FYB1: variants seen among roughly 807,000 people sequenced by gnomAD.
FYB1 encodes the protein FYN-binding protein 1.
A neutral mutation model predicts 94.1 loss-of-function variants in FYB1; 41 were observed. The observed-to-expected ratio is 0.44, with a 90% CI of 0.34 to 0.57. The LOEUF (loss-of-function observed/expected upper bound fraction) is 0.57, where lower values mean the gene tolerates loss of function less well. Among genes scored for constraint, FYB1 ranks in the 20% least tolerant of loss-of-function variants. The probability of loss-of-function intolerance (pLI) is 0.02; values close to 1 mark genes in which losing one functional copy is unlikely to be tolerated. For missense variants in FYB1, 1,050 were observed against 976.8 expected, an observed-to-expected ratio of 1.07 and a Z score of -1.00; for synonymous variants, 367 against 353.2, an observed-to-expected ratio of 1.04 and a Z score of -0.44.
chr5:39,192,912 A>G (rs1438446740), intron 2 of FYB1, among the ~76,000 whole-genome samples: 2 of 152,228 alleles, frequency 1.3e-5, no homozygotes, highest in Non-Finnish European at 2.9e-5. Flanking sequence ...GGCCAGCTCC[A>G]GGGGCCTTCC....
At chr5:39,183,546 C>T (rs2150432681) in intron 2 of FYB1, among the ~76,000 whole-genome samples, 1 of 152,282 alleles carries the variant, frequency 6.6e-6, no homozygotes, top group Admixed American at 6.5e-5. Context: ...GCAAGCCCAG[C>T]ATCTACAGTG....
At chr5:39,221,975 C>CG (rs1250383418), upstream of FYB1, among the ~76,000 whole-genome samples, 3 of 150,906 alleles carry the variant, frequency 2.0e-5, no homozygotes, top group African/African-American at 7.3e-5. Context: ...CACTCCAGCC[C>CG]GGGCCAACAA....
At chr5:39,140,605 G>T (rs1451259440) in intron 4 of FYB1, among the ~76,000 whole-genome samples, 2 of 152,164 alleles carry the variant, frequency 1.3e-5, no homozygotes. Flanking sequence ...AAGTCTCTGA[G>T]AGGTCCGCAT....
intron 11 of FYB1, among the ~76,000 whole-genome samples, chr5:39,127,450 C>CA (rs34709432): frequency 0.21 from 13,661 of 65,674 alleles, 1,688 homozygotes; most frequent in East Asian, 0.45. Flanking sequence ...GACTCTGTCT[C>CA]AAAAAAAAAA....
chr5:39,265,085 C>T (rs1262568794), intron 1 of FYB1, among the ~76,000 whole-genome samples: 1 of 152,164 alleles, frequency 6.6e-6, no homozygotes. Flanking sequence ...CCCGTAATCC[C>T]AGCACTTTGG....
chr5:39,179,159 G>T lies in FYB1; in HGVS notation c.1135+22667C>A, dbSNP rs946507518. On this transcript the variant is annotated intron_variant, in intron 2 of 18. Transcript: ENST00000512982. ...ATTTAATCTCTCAAAAACCATATACGGTAGGCAGCGCTATTGTTCTCATTT... is the reference window on the plus strand; with the variant it reads ...ATTTAATCTCTCAAAAACCATATACTGTAGGCAGCGCTATTGTTCTCATTT... Among the ~76,000 whole-genome samples the T allele has an allele frequency of 1.7e-4, 26 of 152,106 alleles. 1 individual carries two copies. The highest frequency in any genetic ancestry group is 1.5e-5 in the Non-Finnish European group (1 of 68,022).
At chr5:39,161,778 A>G (rs6881924) in intron 2 of FYB1, among the ~76,000 whole-genome samples, 8,066 of 152,260 alleles carry the variant, frequency 0.053, 720 homozygotes, top group African/African-American at 0.18. Context: ...AACCAGTACT[A>G]TAATCTAATT....
Position 39,263,209 on chromosome 5 carries a change from C to G in FYB1, c.-28+11194G>C, listed in dbSNP as rs143939514. 9.2e-3 allele frequency among the ~76,000 whole-genome samples: 1,394 copies of G among 152,020 alleles called. 16 individuals carry two copies. The highest frequency in any genetic ancestry group is 0.014 in the Non-Finnish European group (966 of 67,912). On this transcript the variant is annotated intron_variant, in intron 1 of 1. Coordinates refer to the FYB1 transcript ENST00000510188. ...TCAAGAACTGGAGCCCCATGCCTAC[C>G]CACTTCAAGAGCAAGGGTGCCACAA...
At chr5:39,250,432 C>A (rs4957165) in intron 1 of FYB1, among the ~76,000 whole-genome samples, 48,897 of 152,042 alleles carry the variant, frequency 0.32, 9,551 homozygotes, top group African/African-American at 0.56. Context: ...ACATGTTTAA[C>A]AAGATTCCAC....
chr5:39,122,378 T>C lies in FYB1; in HGVS notation c.2096A>G (p.Asp699Gly), dbSNP rs1050360969. ...AACAGGGAAATCAGAGGTATCCACA[T>C]CATCGTAAACTTCATCTCCCATGTC... ...QLDMGDEVYD[D>G]VDTSDFPVSS... Residue 699 changes from aspartate to glycine, a missense_variant, in exon 14 of 19, where the codon GAT becomes GGT. Asp to Gly is a moderately conservative substitution (Grantham distance 94, BLOSUM62 -1). Transcript: ENST00000512982. 6 of 1,580,820 alleles carry C rather than the reference T, an allele frequency of 3.8e-6. No homozygotes were observed. The highest frequency in any genetic ancestry group is 5.2e-6 in the Non-Finnish European group (6 of 1,160,286).
intron 7 of FYB1, among the ~76,000 whole-genome samples, chr5:39,136,039 C>T (rs1391224050): frequency 6.6e-6 from 1 of 152,048 alleles, no homozygotes; most frequent in African/African-American, 2.4e-5. Flanking sequence ...TTTAAATCTA[C>T]AATTTCTTCA....
chr5:39,268,771 G>C (rs1752544210), intron 1 of FYB1, among the ~76,000 whole-genome samples: 1 of 152,008 alleles, frequency 6.6e-6, no homozygotes, highest in South Asian at 2.1e-4. Flanking sequence ...CATCATGTTG[G>C]TCAGGCAGGT....
At chr5:39,119,367 TAA>T (rs1739869297) in intron 15 of FYB1, among the ~76,000 whole-genome samples, 166 bp downstream of exon 15, 1 of 152,122 alleles carries the variant, frequency 6.6e-6, no homozygotes, top group African/African-American at 2.4e-5. Context: ...TTGTTCAAAA[TAA>T]AAGAGTTATA....
chr5:39,224,097 TA>T (rs1338759138), upstream of FYB1, among the ~76,000 whole-genome samples: 1 of 152,078 alleles, frequency 6.6e-6, no homozygotes, highest in African/African-American at 2.4e-5. Flanking sequence ...TTTCCACAAT[TA>T]AAAAAATGAT....
rs79370104 is a variant in FYB1 at position 39,112,771 on chromosome 5, C to T, written c.2402-2382G>A. 9.5e-3 allele frequency among the ~76,000 whole-genome samples: 1,444 copies of T among 152,176 alleles called. 12 individuals are homozygous for T. Among genetic ancestry groups the T allele is most frequent in the Non-Finnish European group, 0.014 (959 of 67,940 alleles). ...TATAAAAAACACATTCTCTTAGATTCTCAACCTGTATTTCCATTCCCTCCT... is the reference window on the plus strand; with the variant it reads ...TATAAAAAACACATTCTCTTAGATTTTCAACCTGTATTTCCATTCCCTCCT... On this transcript the variant is annotated intron_variant, in intron 16 of 18. Coordinates refer to ENST00000512982, the MANE Select transcript of FYB1 (RefSeq NM_001465.6).
At chr5:39,180,417 T>C (rs1746119229) in intron 2 of FYB1, among the ~76,000 whole-genome samples, 1 of 152,138 alleles carries the variant, frequency 6.6e-6, no homozygotes, top group South Asian at 2.1e-4. Context: ...CTCCCATCCT[T>C]ATGTGTTAGG....
chr5:39,260,153 A>G (rs1347978945), intron 1 of FYB1, among the ~76,000 whole-genome samples: 1 of 152,220 alleles, frequency 6.6e-6, no homozygotes, highest in East Asian at 1.9e-4. Flanking sequence ...CATAGGAAGG[A>G]GGAAATGATA....
intron 1 of FYB1, among the ~76,000 whole-genome samples, chr5:39,228,564 G>C (rs1750582496): frequency 6.6e-6 from 1 of 152,164 alleles, no homozygotes; most frequent in African/African-American, 2.4e-5. Flanking sequence ...ACTGAAGGAA[G>C]TGGAAGTAGA....
At chr5:39,142,005 C>T (rs1220447326) in intron 3 of FYB1, among the ~76,000 whole-genome samples, 6 of 152,124 alleles carry the variant, frequency 3.9e-5, no homozygotes, top group Non-Finnish European at 8.8e-5. Flanking sequence ...CTCCAACTGC[C>T]CTTAATAGCA....
Sources: allele counts gnomAD v4.1 joint callset (sites outside exome capture counted in the v4.1 genomes callset), GRCh38; gene constraint gnomAD v4.1.1; transcripts MANE v1.5; gene names NCBI Gene and HGNC (gene_info 2026-07-23, HGNC 2026-07-21).